Variants in CSMD1 observed in about 807,000 individuals in gnomAD.
CSMD1 encodes the protein CUB and sushi domain-containing protein 1.
CSMD1 carries 213 observed loss-of-function variants against 417.5 expected under a neutral mutation model. That is an observed-to-expected ratio of 0.51 (90% CI 0.46 to 0.57). CSMD1 has a LOEUF of 0.57. Ranked by LOEUF, CSMD1 falls within the 20% of genes least tolerant of loss-of-function variation. CSMD1 has a pLI of 0.00. For missense variants in CSMD1, 6,923 were observed against 4,529.7 expected (o/e 1.53, Z -15.17); for synonymous variants, 2,862 against 1,736.8 (o/e 1.65, Z -16.11).
intron 1 of CSMD1, among the ~76,000 whole-genome samples, chr8:4,948,050 G>C (rs758832536): frequency 6.6e-6 from 1 of 151,866 alleles, no homozygotes; most frequent in Non-Finnish European, 1.5e-5. Context: ...TAGGAATGTA[G>C]ATACCATAGT....
At chr8:3,317,054 G>T (rs547224725) in intron 23 of CSMD1, among the ~76,000 whole-genome samples, 30 of 152,216 alleles carry the variant, frequency 2.0e-4, no homozygotes, top group African/African-American at 7.0e-4. Context: ...AGTGAGAGTG[G>T]ACACAGAAGA....
chr8:3,796,277 CTATCATGTATAGATA>C (rs1563089326), intron 5 of CSMD1, among the ~76,000 whole-genome samples: 5,505 of 71,258 alleles, frequency 0.077, 1,754 homozygotes, highest in Middle Eastern at 0.13. Context: ...AGATATATAT[CTATCATGTATAGATA>C]TATCTATCAT....
intron 5 of CSMD1, among the ~76,000 whole-genome samples, chr8:3,912,928 A>G (rs182825896): frequency 6.6e-6 from 1 of 152,202 alleles, no homozygotes; most frequent in African/African-American, 2.4e-5. Flanking sequence ...TCATTCAGGT[A>G]AGAGAACACA....
intron 1 of CSMD1, among the ~76,000 whole-genome samples, chr8:4,806,241 G>A (rs542236241): frequency 1.3e-5 from 2 of 152,206 alleles, no homozygotes; most frequent in African/African-American, 2.4e-5. Flanking sequence ...ATAGCTTACT[G>A]AGGATCATGC....
At chr8:4,539,935 T>C (rs887860063) in intron 2 of CSMD1, among the ~76,000 whole-genome samples, 4 of 152,262 alleles carry the variant, frequency 2.6e-5, no homozygotes, top group African/African-American at 9.6e-5. Flanking sequence ...TCTTCCCATC[T>C]ACCCCAGCCC....
intron 3 of CSMD1, among the ~76,000 whole-genome samples, chr8:4,114,658 T>C (rs1008130617): frequency 6.6e-6 from 1 of 152,212 alleles, no homozygotes; most frequent in Non-Finnish European, 1.5e-5. Context: ...CTTTGCTAGA[T>C]GCCATTAAGA....
chr8:4,501,227 T>C (rs1320054103), intron 2 of CSMD1, among the ~76,000 whole-genome samples: 3 of 152,134 alleles, frequency 2.0e-5, no homozygotes, highest in Admixed American at 6.5e-5. Context: ...ATAACATTGC[T>C]GGGCCAGAGA....
intron 3 of CSMD1, among the ~76,000 whole-genome samples, chr8:4,362,976 C>T (rs1001312959): frequency 2.0e-5 from 3 of 152,142 alleles, no homozygotes; most frequent in African/African-American, 7.2e-5. Context: ...AAACTGCTAT[C>T]AACAAACATC....
intron 1 of CSMD1, among the ~76,000 whole-genome samples, chr8:4,674,464 G>A (rs1018009893): frequency 6.6e-6 from 1 of 152,120 alleles, no homozygotes; most frequent in East Asian, 1.9e-4. Flanking sequence ...TGGCAGAGGA[G>A]GCTGTGTGTA....
chr8:3,287,303 A>G (rs564671817), intron 25 of CSMD1, among the ~76,000 whole-genome samples: 16 of 152,076 alleles, frequency 1.1e-4, no homozygotes, highest in Admixed American at 9.8e-4. Context: ...TTGGTTCCAT[A>G]TGAACTTTAA....
intron 2 of CSMD1, among the ~76,000 whole-genome samples, chr8:4,494,471 G>A (rs1801880702): frequency 6.6e-6 from 1 of 152,178 alleles, no homozygotes; most frequent in South Asian, 2.1e-4. Context: ...ATACTTTCAT[G>A]TGAAGACAAT....
chr8:4,125,463 G>T (rs1451598886), intron 3 of CSMD1, among the ~76,000 whole-genome samples: 5 of 152,174 alleles, frequency 3.3e-5, no homozygotes, highest in Non-Finnish European at 5.9e-5. Flanking sequence ...TCCCTAAAAT[G>T]AATAAAACCA....
Position 3,876,440 on chromosome 8 carries a change from C to G in CSMD1, c.818+121463G>C, listed in dbSNP as rs539264352. On this transcript the variant is annotated intron_variant, in intron 5 of 69. Transcript: ENST00000635120. ...CTTAGAAGCCTGGAGACACCATTCT[C>G]CTTTTATTCCTGTCTCTTGTTGGAG... 4.6e-5 allele frequency among the ~76,000 whole-genome samples: 7 copies of G among 152,134 alleles called. No homozygotes were observed. The East Asian group carries it at 1.3e-3, about 29-fold the overall frequency.
chr8:4,554,297 C>T (rs558520749), intron 2 of CSMD1, among the ~76,000 whole-genome samples: 74 of 152,090 alleles, frequency 4.9e-4, no homozygotes, highest in African/African-American at 1.6e-3. Context: ...TCACGATGCC[C>T]GGCTAATTTT....
intron 12 of CSMD1, among the ~76,000 whole-genome samples, chr8:3,441,560 G>C (rs1287055813): frequency 1.3e-5 from 2 of 150,386 alleles, no homozygotes; most frequent in Non-Finnish European, 2.9e-5. Context: ...TTCAATCAAT[G>C]ATGGATCATG....
At chr8:4,763,286 G>A (rs942682403) in intron 1 of CSMD1, among the ~76,000 whole-genome samples, 2 of 152,084 alleles carry the variant, frequency 1.3e-5, no homozygotes, top group African/African-American at 4.8e-5. Flanking sequence ...CATGTGCTTT[G>A]TAGATATAAA....
At chr8:4,378,731 G>A (rs1282484302) in intron 3 of CSMD1, among the ~76,000 whole-genome samples, 2 of 152,174 alleles carry the variant, frequency 1.3e-5, no homozygotes, top group African/African-American at 2.4e-5. Flanking sequence ...AGAAGGTGAG[G>A]CCTTTGGGAG....
At chr8:4,091,625 A>G (rs1010023306) in intron 3 of CSMD1, among the ~76,000 whole-genome samples, 2 of 152,192 alleles carry the variant, frequency 1.3e-5, no homozygotes, top group Admixed American at 1.3e-4. Context: ...CAAGAAAACA[A>G]TTCCAATAAA....
chr8:3,252,794 G>T (rs1009303378), intron 26 of CSMD1, among the ~76,000 whole-genome samples: 4 of 151,986 alleles, frequency 2.6e-5, no homozygotes. Flanking sequence ...GTCTTGGGAG[G>T]GTGTATGTGT....
Sources: gnomAD v4.1 joint callset for allele counts (sites outside exome capture counted in the v4.1 genomes callset) on GRCh38, gnomAD v4.1.1 for gene constraint, MANE v1.5 for transcripts, NCBI Gene and HGNC (gene_info 2026-07-23, HGNC 2026-07-21) for gene names.